NEURL4: variants seen among roughly 807,000 people sequenced by gnomAD.
NEURL4 encodes the protein neuralized-like protein 4.
A neutral mutation model predicts 148.0 loss-of-function variants in NEURL4; 45 were observed. The ratio of observed to expected loss-of-function variants is 0.30; its 90% CI spans 0.24 to 0.39. The LOEUF is 0.39. Among genes scored for constraint, NEURL4 ranks in the 10% least tolerant of loss-of-function variants. The pLI is 1.00. For synonymous variants in NEURL4, 854 were observed against 869.0 expected, an observed-to-expected ratio of 0.98 and a Z score of 0.30; for missense variants, 1,776 against 2,144.0, an observed-to-expected ratio of 0.83 and a Z score of 3.39.
In NEURL4 at chr17:7,326,774, C is replaced by G. The variant is rs776963567; in HGVS notation, c.1029G>C (p.Leu343=). ...NNKTAERRRP[L]DEFNNGVVMT... Reference sequence around the variant, plus strand: ...TGACAACCCCATTGTTGAATTCATCCAGGGGCCGCCGGCGCTCAGCCGTCT... The same window carrying G: ...TGACAACCCCATTGTTGAATTCATCGAGGGGCCGCCGGCGCTCAGCCGTCT... Residue 343 remains leucine (L), a synonymous_variant, in exon 4 of 29, where the codon CTG becomes CTC. Transcript: ENST00000399464. The surrounding 1 kb of genome is among the most constrained non-coding windows in gnomAD (Gnocchi z 6.0). 2 of 1,613,270 alleles carry G rather than the reference C, an allele frequency of 1.2e-6. No homozygotes were observed. Among genetic ancestry groups the G allele is most frequent in the Non-Finnish European group, 8.5e-7 (1 of 1,179,832 alleles).
Position 7,324,060 on chromosome 17 carries a change from C to A in NEURL4, c.2062+48G>T, listed in dbSNP as rs1293702809. 19 of 1,609,034 alleles carry A rather than the reference C, an allele frequency of 1.2e-5. No individual in the cohort carries two copies. Among genetic ancestry groups the A allele is most frequent in the Non-Finnish European group, 1.5e-5 (18 of 1,179,608 alleles). On this transcript the variant is annotated intron_variant, in intron 11 of 28. Transcript: ENST00000399464. This position sits in a 1 kb window ranked among gnomAD's most constrained non-coding sequence, Gnocchi z 5.9. ...TCAGGTCTCTAGGTGTCTCTCAGAC[C>A]TCCCAAGGCCACCCTAACCCCCAGC...
Position 7,327,904 on chromosome 17 carries a change from C to A in NEURL4, c.283-20G>T. 6.4e-7 allele frequency: 1 copy of A among 1,566,784 alleles called. No homozygotes were observed. The highest frequency in any genetic ancestry group is 1.2e-5 in the South Asian group (1 of 86,596). On this transcript the variant is annotated intron_variant, in intron 1 of 28. Transcript: ENST00000399464. The surrounding 1 kb of genome is among the most constrained non-coding windows in gnomAD (Gnocchi z 6.6). The stretch of plus-strand genomic sequence containing the variant: ...GTTGACCTGGGATAGGGGTATTGGA[C>A]AGAGGCTTAGAATGGGCCACCCCCC...
chr17:7,325,423 AC>A lies in NEURL4; in HGVS notation c.1416del (p.Leu472PhefsTer6). 1 of 1,612,958 alleles carries A rather than the reference AC, an allele frequency of 6.2e-7. No homozygotes were observed. Among genetic ancestry groups the A allele is most frequent in the Non-Finnish European group, 8.5e-7 (1 of 1,180,006 alleles). Reference sequence around the variant, plus strand: ...ATGGTCACCTTCACTGCCATCCCGTACAAGTCCACCACACCATACACCACTG... The same window carrying A: ...ATGGTCACCTTCACTGCCATCCCGTAAAGTCCACCACACCATACACCACTG... Reference protein sequence around the residue: ...TPPVVYGVVDLYGMAVKVTIV... With the variant: ...TPPVVYGVVDXYGMAVKVTIV... On this transcript the variant is annotated frameshift_variant, in exon 8 of 29. Coordinates refer to ENST00000399464, the MANE Select transcript of NEURL4 (RefSeq NM_032442.3). LOFTEE classifies it high-confidence loss of function.
At position 7,327,982 on chromosome 17, in the gene NEURL4, G is replaced by T; in HGVS notation, c.283-98C>A. On this transcript the variant is annotated intron_variant, in intron 1 of 28. Coordinates refer to ENST00000399464, the MANE Select transcript of NEURL4 (RefSeq NM_032442.3). This position sits in a 1 kb window ranked among gnomAD's most constrained non-coding sequence, Gnocchi z 6.6. ...CTCTCAGACAGCTAGCTGGCTTTCT[G>T]TCTCTTGGAACACTAATCCAGAGAT... 1.0e-6 allele frequency: 1 copy of T among 956,754 alleles called. No homozygotes were observed. Among genetic ancestry groups the T allele is most frequent in the Non-Finnish European group, 1.5e-6 (1 of 656,588 alleles). The allele number at this position is 956,754 out of a possible 1,614,324, so 59.3% of individuals were successfully genotyped here.
Position 7,318,311 on chromosome 17 carries a change from C to T in NEURL4, c.3910G>A (p.Ala1304Thr). The change falls in exon 24 of 29, where the codon GCT (alanine) becomes ACT (threonine). Residue 1304 changes from alanine (A) to threonine (T), a missense_variant. Ala to Thr is a moderately conservative substitution (Grantham distance 58). Transcript: ENST00000399464. This position sits in a 1 kb window ranked among gnomAD's most constrained non-coding sequence, Gnocchi z 4.3. ...TTCTCCATGTCCCCTTGGGTTCCAG[C>T]ACTTTTCCCACTGGCAGCCCCTGGC... ...PEPGAASGKSAGTQGDMEKAD... is the reference protein window; with the variant it reads ...PEPGAASGKSTGTQGDMEKAD... The T allele has an allele frequency of 1.2e-6, 2 of 1,614,148 alleles. No homozygotes were observed. Among genetic ancestry groups the T allele is most frequent in the Non-Finnish European group, 1.7e-6 (2 of 1,180,022 alleles).
Position 7,327,823 on chromosome 17 carries a change from T to C in NEURL4, c.344A>G (p.Asp115Gly). 1 of 1,613,822 alleles carries C rather than the reference T, an allele frequency of 6.2e-7. No individual in the cohort carries two copies. Among genetic ancestry groups the C allele is most frequent in the South Asian group, 1.1e-5 (1 of 91,080 alleles). ...CAGGCCCGTGGCACTGCTTGGAAAG[T>C]CCAGCACACTGGGGTCCAGCGCTGT... is the stretch of plus-strand genomic sequence containing the variant. ...GVTALDPSVL[D>G]FPSSATGLKG... The change falls in exon 2 of 29, where the codon GAC becomes GGC. Residue 115 changes from aspartate to glycine, a missense_variant. By Grantham distance (94) the Asp-to-Gly change is moderately conservative. Coordinates refer to ENST00000399464, the MANE Select transcript of NEURL4 (RefSeq NM_032442.3). The surrounding 1 kb of genome is among the most constrained non-coding windows in gnomAD (Gnocchi z 6.6).
chr17:7,324,796 C>T lies in NEURL4; in HGVS notation c.1813+3G>A. The T allele has an allele frequency of 6.2e-7, 1 of 1,614,138 alleles. No individual in the cohort carries two copies. The highest frequency in any genetic ancestry group is 8.5e-7 in the Non-Finnish European group (1 of 1,179,988). On this transcript the variant is annotated splice_donor_region_variant and intron_variant, in intron 9 of 28. Coordinates refer to ENST00000399464, the MANE Select transcript of NEURL4 (RefSeq NM_032442.3). The surrounding 1 kb of genome is among the most constrained non-coding windows in gnomAD (Gnocchi z 5.9). The stretch of plus-strand genomic sequence containing the variant: ...CCTGTCCCTGCCCTTCCTGGGAGCT[C>T]ACCAGAGCGCAAGTTGGTCATGGTG...
Position 7,323,567 on chromosome 17 carries a change from G to T in NEURL4, c.2339-4C>A, listed in dbSNP as rs542641485. The T allele has an allele frequency of 5.6e-6, 9 of 1,614,202 alleles. No individual in the cohort carries two copies. The African/African-American group carries it at 1.2e-4, about 22-fold the overall frequency. On this transcript the variant is annotated splice_region_variant and splice_polypyrimidine_tract_variant and intron_variant, in intron 13 of 28. Transcript: ENST00000399464. ...TCAGGCCGAATAGCAGTCACTCCTG[G>T]GAGGAGGCAGGGGTAAGTCAAGGCC...
In NEURL4 at chr17:7,326,309, G is replaced by T; in HGVS notation, c.1239C>A (p.Thr413=). 1 of 1,614,156 alleles carries T rather than the reference G, an allele frequency of 6.2e-7. No individual in the cohort carries two copies. Among genetic ancestry groups the T allele is most frequent in the Non-Finnish European group, 8.5e-7 (1 of 1,180,020 alleles). ...TIMMSGCGIL[T]NGKGTRREYC... ...ACTCCCGGCGGGTGCCCTTGCCATT[G>T]GTCAGGATTCCACAGCCGCTCATCA... The change falls in exon 6 of 29, where the codon ACC becomes ACA. Residue 413 remains threonine (T), a synonymous_variant. Transcript: ENST00000399464. This position sits in a 1 kb window ranked among gnomAD's most constrained non-coding sequence, Gnocchi z 6.0.
Position 7,318,579 on chromosome 17 carries a change from A to G in NEURL4, c.3780T>C (p.Val1260=). The G allele has an allele frequency of 1.9e-6, 3 of 1,614,018 alleles. No homozygotes were observed. The highest frequency in any genetic ancestry group is 2.5e-6 in the Non-Finnish European group (3 of 1,179,986). Residue 1260 remains valine, a synonymous_variant, in exon 23 of 29, where the codon GTT becomes GTC. Coordinates refer to ENST00000399464, the MANE Select transcript of NEURL4 (RefSeq NM_032442.3). The surrounding 1 kb of genome is among the most constrained non-coding windows in gnomAD (Gnocchi z 4.3). ...LDSSGGLHLH[V]NGVDQGVAVP... Reference sequence around the variant, plus strand: ...CAGCTACCCCCTGGTCCACCCCATTAACATGAAGATGCAGCCCCCCAGAGC... The same window carrying G: ...CAGCTACCCCCTGGTCCACCCCATTGACATGAAGATGCAGCCCCCCAGAGC...
At chr17:7,328,011 G>A in intron 1 of NEURL4, 127 bp from the exon 2 acceptor site, 2 of 726,908 alleles carry the variant, frequency 2.8e-6, no homozygotes, top group Non-Finnish European at 4.4e-6. Context: ...CAGAGATGCA[G>A]ACAGTGATTT....
Position 7,324,455 on chromosome 17 carries a change from C to G in NEURL4, c.1839G>C (p.Gly613=). 6.2e-7 allele frequency: 1 copy of G among 1,614,186 alleles called. No individual in the cohort carries two copies. The highest frequency in any genetic ancestry group is 8.5e-7 in the Non-Finnish European group (1 of 1,180,006). The change falls in exon 10 of 29, where the codon GGG becomes GGC. Residue 613 remains glycine, a synonymous_variant. Coordinates refer to ENST00000399464, the MANE Select transcript of NEURL4 (RefSeq NM_032442.3). The surrounding 1 kb of genome is among the most constrained non-coding windows in gnomAD (Gnocchi z 5.9). ...GGATGGTCGTCCCATTGTGCATCAC[C>G]CCATTCCCAGTCATCATCCAGGTCC... The part of the protein sequence containing the change: ...RSGTWMMTGN[G]VMHNGTTILD...
chr17:7,322,355 G>A lies in NEURL4; in HGVS notation c.2726-345C>T, dbSNP rs183738724. The stretch of plus-strand genomic sequence containing the variant: ...GTATTTTTGGTACAGACGGGGTTTC[G>A]CCATGTTTCCCAGGCTGGTCTCAAA... On this transcript the variant is annotated intron_variant, in intron 16 of 28. Coordinates refer to ENST00000399464, the MANE Select transcript of NEURL4 (RefSeq NM_032442.3). This position sits in a 1 kb window ranked among gnomAD's most constrained non-coding sequence, Gnocchi z 5.5. Among the ~76,000 whole-genome samples, 38 of 152,160 alleles carry A rather than the reference G, an allele frequency of 2.5e-4. No homozygotes were observed. Among genetic ancestry groups the A allele is most frequent in the Admixed American group, 1.9e-3 (29 of 15,290 alleles).
chr17:7,325,790 G>A, intron 6 of NEURL4, 77 bp from the exon 7 acceptor site: 1 of 1,212,996 alleles, frequency 8.2e-7, no homozygotes. Flanking sequence ...AACAACTCCA[G>A]AAGGTATTCG....
At chr17:7,317,021 C>T (rs985690920) in intron 28 of NEURL4, among the ~76,000 whole-genome samples, 184 bp downstream of exon 28, 1 of 151,878 alleles carries the variant, frequency 6.6e-6, no homozygotes, top group Non-Finnish European at 1.5e-5. Context: ...CCTTTTTTTG[C>T]CCACTAGAAG....
chr17:7,324,456 C>T lies in NEURL4; in HGVS notation c.1838G>A (p.Gly613Glu). The change falls in exon 10 of 29, where the codon GGG becomes GAG. Residue 613 changes from glycine (G) to glutamate (E), a missense_variant. Physicochemically the swap from Gly to Glu is moderately conservative, Grantham distance 98. Coordinates refer to ENST00000399464, the MANE Select transcript of NEURL4 (RefSeq NM_032442.3). This position sits in a 1 kb window ranked among gnomAD's most constrained non-coding sequence, Gnocchi z 5.9. ...RSGTWMMTGN[G>E]VMHNGTTILD... ...GATGGTCGTCCCATTGTGCATCACCCCATTCCCAGTCATCATCCAGGTCCC... is the reference window on the plus strand; with the variant it reads ...GATGGTCGTCCCATTGTGCATCACCTCATTCCCAGTCATCATCCAGGTCCC... 6.2e-7 allele frequency: 1 copy of T among 1,614,194 alleles called. No individual in the cohort carries two copies. The highest frequency in any genetic ancestry group is 8.5e-7 in the Non-Finnish European group (1 of 1,180,018).
At chr17:7,328,482 C>T (rs1466740579) in intron 1 of NEURL4, among the ~76,000 whole-genome samples, 2 of 152,222 alleles carry the variant, frequency 1.3e-5, no homozygotes, top group African/African-American at 4.8e-5. Flanking sequence ...CAGCTCACTG[C>T]AACCTCTGCC....
At position 7,322,331 on chromosome 17, in the gene NEURL4, T is replaced by C. The variant is rs753601280; in HGVS notation, c.2726-321A>G. ...TGCCACCACACCTGCCTACATTTTG[T>C]ATTTTTGGTACAGACGGGGTTTCGC... On this transcript the variant is annotated intron_variant, in intron 16 of 28. Coordinates refer to ENST00000399464, the MANE Select transcript of NEURL4 (RefSeq NM_032442.3). This position sits in a 1 kb window ranked among gnomAD's most constrained non-coding sequence, Gnocchi z 5.5. Among the ~76,000 whole-genome samples, 3 of 152,138 alleles carry C rather than the reference T, an allele frequency of 2.0e-5. No homozygotes were observed. Among genetic ancestry groups the C allele is most frequent in the African/African-American group, 4.8e-5 (2 of 41,410 alleles).
In NEURL4 at chr17:7,316,156, T is replaced by G. The variant is rs766525016; in HGVS notation, c.4656A>C (p.Thr1552=). ...LEWVTKEKGA[T]LLCALLVRVE ...CCCGTACCAGCAGGGCACAGAGGAG[T>G]GTGGCCCCCTTCTCCTTAGTGACCC... The change falls in exon 29 of 29, where the codon ACA becomes ACC. Residue 1552 remains threonine (T), a synonymous_variant. Transcript: ENST00000399464. 6.3e-7 allele frequency: 1 copy of G among 1,580,258 alleles called. No individual in the cohort carries two copies. The highest frequency in any genetic ancestry group is 1.1e-5 in the South Asian group (1 of 90,434).
Sources: gnomAD v4.1 joint callset for allele counts (sites outside exome capture counted in the v4.1 genomes callset) on GRCh38, gnomAD v4.1.1 for gene constraint, Gnocchi (gnomAD v3.1) non-coding constraint, MANE v1.5 for transcripts, NCBI Gene and HGNC (gene_info 2026-07-23, HGNC 2026-07-21) for gene names.